ABTB2: variants seen among roughly 807,000 people sequenced by gnomAD.
ABTB2 encodes ankyrin repeat and BTB/POZ domain-containing protein 2.
Under a neutral mutation model 104.1 loss-of-function variants are expected in ABTB2, and 56 were observed. The ratio of observed to expected loss-of-function variants is 0.54; its 90% CI spans 0.43 to 0.67. The LOEUF is 0.67. Among genes scored for constraint, ABTB2 ranks in the 30% least tolerant of loss-of-function variants. The pLI is 0.00. For missense variants in ABTB2, 1,279 were observed against 1,407.7 expected (o/e 0.91, Z 1.46); for synonymous variants, 606 against 608.2 (o/e 1.00, Z 0.05).
At chr11:34,195,123 GCC>G (rs772036576) in intron 3 of ABTB2, among the ~76,000 whole-genome samples, 4,236 of 139,482 alleles carry the variant, frequency 0.03, 91 homozygotes, top group Middle Eastern at 0.055. Flanking sequence ...AGGAATGACT[GCC>G]CCTGGGCCTA....
chr11:34,308,799 A>G (rs1031311497), intron 1 of ABTB2, among the ~76,000 whole-genome samples: 2 of 143,064 alleles, frequency 1.4e-5, no homozygotes, highest in Non-Finnish European at 3.0e-5. Context: ...TGAACCCAAG[A>G]GGTGGAAGTT....
chr11:34,270,424 C>T (rs1854300827), intron 1 of ABTB2, among the ~76,000 whole-genome samples: 4 of 151,372 alleles, frequency 2.6e-5, no homozygotes, highest in East Asian at 1.9e-4. Context: ...GCTGCAACCT[C>T]CGCCTGCTGG....
chr11:34,346,768 C>T (rs1473685595), intron 1 of ABTB2, among the ~76,000 whole-genome samples: 7 of 152,144 alleles, frequency 4.6e-5, no homozygotes, highest in Admixed American at 6.5e-5. Context: ...AGGTCACAGA[C>T]GGGGCAAGCT....
At chr11:34,161,759 C>G (rs1379839716) in intron 10 of ABTB2, among the ~76,000 whole-genome samples, 1 of 152,198 alleles carries the variant, frequency 6.6e-6, no homozygotes, top group Non-Finnish European at 1.5e-5. Flanking sequence ...ATTAGAGAGA[C>G]AGCTTCTTAC....
rs568513177 is a variant in ABTB2 at position 34,224,469 on chromosome 11, C to A, written c.884-19779G>T. ...ACTGCAATGCTGATGACTGCAGTTT[C>A]AACACTGGTGGCCTCCCCTCTCTTT... On this transcript the variant is annotated intron_variant, in intron 1 of 16. Coordinates refer to ENST00000435224, the MANE Select transcript of ABTB2 (RefSeq NM_145804.3). Among the ~76,000 whole-genome samples, 5 of 152,258 alleles carry A rather than the reference C, an allele frequency of 3.3e-5. No individual in the cohort carries two copies. The South Asian group carries it at 1.0e-3, about 32-fold the overall frequency.
intron 1 of ABTB2, among the ~76,000 whole-genome samples, chr11:34,293,960 T>C (rs1231937079): frequency 1.3e-5 from 2 of 152,134 alleles, no homozygotes; most frequent in East Asian, 3.9e-4. Context: ...ATGTTAACAC[T>C]TGGGAATCTG....
intron 1 of ABTB2, among the ~76,000 whole-genome samples, chr11:34,296,358 A>T (rs911224597): frequency 3.3e-5 from 5 of 152,180 alleles, no homozygotes; most frequent in Non-Finnish European, 7.4e-5. Context: ...GTTCATGGAC[A>T]GTGGAAGATC....
intron 1 of ABTB2, among the ~76,000 whole-genome samples, chr11:34,304,054 C>T (rs751602417): frequency 3.9e-5 from 6 of 152,088 alleles, no homozygotes; most frequent in Non-Finnish European, 5.9e-5. Context: ...AATCGAGTGC[C>T]GCTCTGAGTA....
chr11:34,204,017 C>T (rs1464282231), intron 2 of ABTB2, among the ~76,000 whole-genome samples: 2 of 152,230 alleles, frequency 1.3e-5, no homozygotes, highest in Non-Finnish European at 2.9e-5. Flanking sequence ...TAAAGAGCCA[C>T]ATCAAGTTCC....
At chr11:34,236,381 C>T (rs951371384) in intron 1 of ABTB2, among the ~76,000 whole-genome samples, 1 of 152,158 alleles carries the variant, frequency 6.6e-6, no homozygotes, top group Non-Finnish European at 1.5e-5. Context: ...GGGCAGAAAA[C>T]ACAGGACTCT....
chr11:34,229,419 T>TGCA (rs1391707377), intron 1 of ABTB2, among the ~76,000 whole-genome samples: 1 of 148,906 alleles, frequency 6.7e-6, no homozygotes, highest in Non-Finnish European at 1.5e-5. Context: ...AGGTGGAGCT[T>TGCA]GCAGTGAGCA....
intron 1 of ABTB2, among the ~76,000 whole-genome samples, chr11:34,265,058 C>T (rs1463097306): frequency 1.3e-5 from 2 of 152,214 alleles, no homozygotes; most frequent in East Asian, 1.9e-4. Context: ...CCTCGTGACT[C>T]AGTCGCTTCA....
chr11:34,336,929 G>T (rs7929828), intron 1 of ABTB2, among the ~76,000 whole-genome samples: 12,832 of 152,128 alleles, frequency 0.084, 836 homozygotes, highest in East Asian at 0.35. Context: ...ACTATCATAT[G>T]AGGGAAACAG....
chr11:34,157,964 C>T (rs1406369609), intron 14 of ABTB2, among the ~76,000 whole-genome samples: 1 of 152,256 alleles, frequency 6.6e-6, no homozygotes, highest in East Asian at 1.9e-4. Context: ...GAGCAAGTTA[C>T]TCAACCTCTC....
At chr11:34,277,289 C>T (rs1451043489) in intron 1 of ABTB2, among the ~76,000 whole-genome samples, 2 of 152,092 alleles carry the variant, frequency 1.3e-5, no homozygotes, top group Non-Finnish European at 2.9e-5. Flanking sequence ...TTTGAAATTT[C>T]AAATTTTACC....
At position 34,167,984 on chromosome 11, in the gene ABTB2, C is replaced by T. The variant is rs375692610; in HGVS notation, c.1572G>A (p.Thr524=). The T allele has an allele frequency of 1.2e-6, 2 of 1,614,066 alleles. No homozygotes were observed. The highest frequency in any genetic ancestry group is 1.6e-4 in the Middle Eastern group (1 of 6,062). Residue 524 remains threonine (T), a synonymous_variant, in exon 6 of 17, where the codon ACG becomes ACA. Coordinates refer to ENST00000435224, the MANE Select transcript of ABTB2 (RefSeq NM_145804.3). ...CAGCAGCGCAGGCGTACATCAGTGG[C>T]GTCATACCCTGAGCAAATCAAATGC... ...GVNTMDDQGM[T]PLMYACAAGD...
intron 3 of ABTB2, among the ~76,000 whole-genome samples, chr11:34,190,266 C>CA (rs1806491061): frequency 4.6e-5 from 1 of 21,632 alleles, no homozygotes; most frequent in Non-Finnish European, 9.6e-5. Context: ...TGCCCCGCTG[C>CA]CCCCCCAAAA....
rs977642327 is a variant in ABTB2 at position 34,154,699 on chromosome 11, A to T, written c.2766+2T>A. 6.2e-7 allele frequency: 1 copy of T among 1,613,892 alleles called. No individual in the cohort carries two copies. Among genetic ancestry groups the T allele is most frequent in the Non-Finnish European group, 8.5e-7 (1 of 1,179,900 alleles). On this transcript the variant is annotated splice_donor_variant, in intron 15 of 16. Transcript: ENST00000435224. LOFTEE classifies it high-confidence loss of function. This position sits in a 1 kb window ranked among gnomAD's most constrained non-coding sequence, Gnocchi z 4.9. ...GCCCCCTCCCCCTCTCCCGAGTCTC[A>T]CCTCCAGGATGTCAGTGGTGGGGAT... is the stretch of plus-strand genomic sequence containing the variant.
intron 9 of ABTB2, 111 bp from the exon 10 acceptor site, chr11:34,162,916 G>A (rs1852744191): frequency 1.9e-6 from 2 of 1,066,164 alleles, no homozygotes; most frequent in East Asian, 5.2e-5. Flanking sequence ...GGGTACCCGA[G>A]GGCTCGGAGT....
Sources: allele counts gnomAD v4.1 joint callset (sites outside exome capture counted in the v4.1 genomes callset), GRCh38; gene constraint gnomAD v4.1.1; non-coding constraint Gnocchi (gnomAD v3.1); transcripts MANE v1.5; gene names NCBI Gene and HGNC (gene_info 2026-07-23, HGNC 2026-07-21).